Variants in CHRM2 observed in about 807,000 individuals in gnomAD.
The protein encoded by CHRM2 is cholinergic receptor muscarinic 2.
A neutral mutation model predicts 25.0 loss-of-function variants in CHRM2; 8 were observed. The observed-to-expected ratio is 0.32, with a 90% CI of 0.19 to 0.58. CHRM2 has a LOEUF of 0.58. CHRM2 is among the 20% of genes least tolerant of loss of function. The pLI, the probability that CHRM2 is intolerant of heterozygous loss-of-function variation, is 0.88. For missense variants in CHRM2, 440 were observed against 567.1 expected (o/e 0.78, Z 2.28); for synonymous variants, 202 against 205.7 (o/e 0.98, Z 0.15).
At chr7:136,963,890 G>A (rs1351145073) in intron 2 of CHRM2, among the ~76,000 whole-genome samples, 1 of 152,164 alleles carries the variant, frequency 6.6e-6, no homozygotes, top group Non-Finnish European at 1.5e-5. Context: ...TTTCCAGGTT[G>A]GTTACAGATG....
rs549649337 is a variant in CHRM2, at chr7:136,893,028, CTCTCTCTCTTGTTCT to C, written c.-125+23626_-125+23640del. ...TTTCTGTATCCTCTCTTCTCTTGTT[CTCTCTCTCTTGTTCT>C]TCTCTCTCTTGTTCTCTCTTCCTAA... On this transcript the variant is annotated intron_variant, in intron 2 of 3. Transcript: ENST00000680005. 1.6e-4 allele frequency among the ~76,000 whole-genome samples: 25 copies of C among 152,056 alleles called. No homozygotes were observed. In the South Asian group the frequency reaches 4.2e-3, roughly 25 times the overall value.
At chr7:136,871,617 T>C (rs1262770502) in intron 2 of CHRM2, 1 of 149,080 alleles carries the variant, frequency 6.7e-6, no homozygotes, top group Non-Finnish European at 1.5e-5. Context: ...TTTTCATTGA[T>C]AAGAAAAAAA....
intron 2 of CHRM2, among the ~76,000 whole-genome samples, chr7:136,990,751 C>T (rs1393154754): frequency 6.6e-6 from 1 of 152,054 alleles, no homozygotes; most frequent in Non-Finnish European, 1.5e-5. Flanking sequence ...TAATTATTTG[C>T]TGGATCTTAT....
intron 2 of CHRM2, among the ~76,000 whole-genome samples, chr7:136,889,731 A>G (rs1235940415): frequency 6.6e-6 from 1 of 152,190 alleles, no homozygotes; most frequent in Non-Finnish European, 1.5e-5. Flanking sequence ...GATAATCACT[A>G]TTTGCAATGA....
chr7:137,001,198 C>T (rs1804012748), intron 3 of CHRM2, among the ~76,000 whole-genome samples: 1 of 152,128 alleles, frequency 6.6e-6, no homozygotes, highest in African/African-American at 2.4e-5. Flanking sequence ...TGTAGTCTAG[C>T]TACTTCCTCC....
chr7:136,902,636 A>G (rs1797290832), intron 2 of CHRM2: 1 of 161,976 alleles, frequency 6.2e-6, no homozygotes, highest in Non-Finnish European at 1.3e-5. Flanking sequence ...GACGACCCTG[A>G]ATGGAATGGG....
chr7:136,912,939 T>C (rs755415815), intron 2 of CHRM2, among the ~76,000 whole-genome samples: 10 of 152,044 alleles, frequency 6.6e-5, no homozygotes, highest in Middle Eastern at 3.4e-3. Context: ...GAGTTGACTG[T>C]GATGCTTGGC....
intron 2 of CHRM2, among the ~76,000 whole-genome samples, chr7:136,915,199 A>T (rs1350262139): frequency 1.3e-5 from 2 of 151,846 alleles, no homozygotes; most frequent in African/African-American, 4.8e-5. Context: ...TCATTTTGAT[A>T]CTTAAGGGAA....
intron 2 of CHRM2, among the ~76,000 whole-genome samples, chr7:136,962,442 G>T (rs1358480213): frequency 1.3e-5 from 2 of 152,038 alleles, no homozygotes; most frequent in Non-Finnish European, 2.9e-5. Context: ...GCCACAACTG[G>T]TGGCTTCTGA....
At chr7:136,938,520 C>G in intron 2 of CHRM2, 1 of 980,588 alleles carries the variant, frequency 1.0e-6, no homozygotes, top group Non-Finnish European at 1.6e-6. Context: ...TCAGCAGGCT[C>G]TGGTTGATTG....
At chr7:136,930,821 T>C (rs1310552940) in intron 2 of CHRM2, among the ~76,000 whole-genome samples, 2 of 138,358 alleles carry the variant, frequency 1.4e-5, no homozygotes, top group Non-Finnish European at 3.0e-5. Context: ...GGCGTGAACC[T>C]GGGAGGCGGA....
intron 2 of CHRM2, among the ~76,000 whole-genome samples, chr7:136,976,859 G>A (rs1406970838): frequency 2.6e-5 from 4 of 152,038 alleles, no homozygotes; most frequent in East Asian, 1.9e-4. Flanking sequence ...CAATGTCCCC[G>A]GTGCTCTAAC....
intron 2 of CHRM2, among the ~76,000 whole-genome samples, chr7:136,908,843 T>C (rs1313315357): frequency 6.6e-6 from 1 of 151,956 alleles, no homozygotes; most frequent in Non-Finnish European, 1.5e-5. Flanking sequence ...GAAATAAGTA[T>C]TAGAGAATAG....
chr7:136,896,714 T>G (rs1409279179), intron 2 of CHRM2, among the ~76,000 whole-genome samples: 3 of 152,050 alleles, frequency 2.0e-5, no homozygotes, highest in Admixed American at 1.3e-4. Context: ...AGCGAGAATA[T>G]GATGTGTTTG....
intron 2 of CHRM2, among the ~76,000 whole-genome samples, chr7:136,944,592 T>C (rs1283507882): frequency 6.6e-6 from 1 of 152,062 alleles, no homozygotes; most frequent in Non-Finnish European, 1.5e-5. Context: ...TCTGGACTGG[T>C]TCCATATTTT....
intron 2 of CHRM2, among the ~76,000 whole-genome samples, chr7:136,921,661 G>C (rs1394593977): frequency 6.6e-6 from 1 of 151,972 alleles, no homozygotes; most frequent in Non-Finnish European, 1.5e-5. Context: ...CTGCCTTCTT[G>C]TCACCCCTAC....
At position 136,943,334 on chromosome 7, in the gene CHRM2, C is replaced by T. The variant is rs143013499; in HGVS notation, c.-124-48853C>T. On this transcript the variant is annotated intron_variant, in intron 2 of 3. Coordinates refer to ENST00000680005, the MANE Select transcript of CHRM2 (RefSeq NM_001006630.2). ...AACTATTTCTGATATTGTATGGCTTCCTGCTTTGCCTTTAAGCTCTGGTGG... is the reference window on the plus strand; with the variant it reads ...AACTATTTCTGATATTGTATGGCTTTCTGCTTTGCCTTTAAGCTCTGGTGG... Among the ~76,000 whole-genome samples, 13 of 152,190 alleles carry T rather than the reference C, an allele frequency of 8.5e-5. 1 individual carries two copies. The East Asian group carries it at 2.5e-3, about 29-fold the overall frequency.
At chr7:136,909,827 A>C (rs542082137) in intron 2 of CHRM2, among the ~76,000 whole-genome samples, 1 of 152,050 alleles carries the variant, frequency 6.6e-6, no homozygotes, top group African/African-American at 2.4e-5. Flanking sequence ...ATAAAAATAC[A>C]TTTGTAGCAG....
chr7:136,982,068 T>A (rs1013449155), intron 2 of CHRM2, among the ~76,000 whole-genome samples: 1 of 152,214 alleles, frequency 6.6e-6, no homozygotes, highest in Admixed American at 6.5e-5. Flanking sequence ...ACTACTATTG[T>A]TTAGGAGTCT....
Sources: gnomAD v4.1 joint callset for allele counts (sites outside exome capture counted in the v4.1 genomes callset) on GRCh38, gnomAD v4.1.1 for gene constraint, MANE v1.5 for transcripts, NCBI Gene and HGNC (gene_info 2026-07-23, HGNC 2026-07-21) for gene names.